TENM2: variants seen among roughly 807,000 people sequenced by gnomAD.
TENM2 encodes the protein teneurin transmembrane protein 2, also known as teneurin-2.
TENM2 carries 52 observed loss-of-function variants against 245.2 expected under a neutral mutation model. That is an observed-to-expected ratio of 0.21 (90% CI 0.17 to 0.27). TENM2 has a LOEUF of 0.27. TENM2 is among the 10% of genes least tolerant of loss of function. The pLI is 1.00. For missense variants in TENM2, 3,046 were observed against 3,666.8 expected, an observed-to-expected ratio of 0.83 and a Z score of 4.37; for synonymous variants, 1,363 against 1,438.9, an observed-to-expected ratio of 0.95 and a Z score of 1.19.
intron 6 of TENM2, among the ~76,000 whole-genome samples, chr5:168,053,655 G>A (rs1188029355): frequency 2.0e-5 from 3 of 152,198 alleles, no homozygotes; most frequent in African/African-American, 7.2e-5. Context: ...TAGAGATAAT[G>A]TGAATTATAG....
chr5:167,714,815 A>G (rs927457874), intron 2 of TENM2, among the ~76,000 whole-genome samples: 1 of 152,168 alleles, frequency 6.6e-6, no homozygotes, highest in African/African-American at 2.4e-5. Flanking sequence ...CACTGGGGCT[A>G]TCTCGACAGC....
At chr5:167,481,385 A>G (rs762113194) in intron 2 of TENM2, among the ~76,000 whole-genome samples, 5 of 152,220 alleles carry the variant, frequency 3.3e-5, no homozygotes, top group African/African-American at 7.2e-5. Context: ...CAAAACTGGA[A>G]TAATATTTTG....
At chr5:167,267,475 G>A in the TENM2 span, among the ~76,000 whole-genome samples, 3 of 152,100 alleles carry the variant, frequency 2.0e-5, no homozygotes, top group Non-Finnish European at 4.4e-5. Context: ...TAGCATGAGG[G>A]ATGTTAATAA....
At chr5:167,857,265 C>T (rs542597925) in intron 2 of TENM2, among the ~76,000 whole-genome samples, 4 of 152,314 alleles carry the variant, frequency 2.6e-5, no homozygotes, top group South Asian at 4.1e-4. Flanking sequence ...GCTTGAATTT[C>T]GCTCTTTTTC....
At chr5:168,166,904 C>A (rs947135353) in intron 13 of TENM2, among the ~76,000 whole-genome samples, 5 of 152,204 alleles carry the variant, frequency 3.3e-5, no homozygotes, top group South Asian at 2.1e-4. Context: ...CTTCTCACCC[C>A]CTTGGCTTTC....
At chr5:167,392,648 T>A (rs947419398) in intron 2 of TENM2, among the ~76,000 whole-genome samples, 1 of 152,180 alleles carries the variant, frequency 6.6e-6, no homozygotes, top group African/African-American at 2.4e-5. Flanking sequence ...TCCAAAATCA[T>A]GTGAGGCCAT....
chr5:167,361,861 A>G (rs905733446), intron 1 of TENM2, among the ~76,000 whole-genome samples: 2 of 152,216 alleles, frequency 1.3e-5, no homozygotes, highest in African/African-American at 4.8e-5. Flanking sequence ...AGGGAATGAT[A>G]TATTTTAGTG....
intron 2 of TENM2, among the ~76,000 whole-genome samples, chr5:167,528,014 A>G (rs1359613184): frequency 6.6e-6 from 1 of 152,182 alleles, no homozygotes; most frequent in Non-Finnish European, 1.5e-5. Flanking sequence ...AATTCTTTTT[A>G]ATAAGGCCTT....
At chr5:167,262,984 G>A in the TENM2 span, among the ~76,000 whole-genome samples, 41 of 152,244 alleles carry the variant, frequency 2.7e-4, no homozygotes, top group African/African-American at 9.9e-4. Flanking sequence ...CATGGTTGAA[G>A]GGGCAAGCAG....
chr5:167,580,935 G>A (rs1775048407), intron 2 of TENM2, among the ~76,000 whole-genome samples: 1 of 152,204 alleles, frequency 6.6e-6, no homozygotes, highest in Non-Finnish European at 1.5e-5. Flanking sequence ...GTTGTAGTGA[G>A]CGGAGATCGT....
intron 2 of TENM2, among the ~76,000 whole-genome samples, chr5:167,821,633 A>G (rs966361986): frequency 5.3e-5 from 8 of 152,112 alleles, no homozygotes; most frequent in African/African-American, 1.9e-4. Flanking sequence ...TTGGCTACAG[A>G]TTTGTTGTTT....
intron 2 of TENM2, among the ~76,000 whole-genome samples, chr5:167,742,924 T>A (rs377214509): frequency 6.6e-6 from 1 of 152,094 alleles, no homozygotes; most frequent in South Asian, 2.1e-4. Flanking sequence ...GCTATGATCA[T>A]GCCACTGCAT....
chr5:167,371,377 C>T (rs1349368222), intron 1 of TENM2, among the ~76,000 whole-genome samples: 8 of 105,028 alleles, frequency 7.6e-5, no homozygotes, highest in East Asian at 2.8e-4. Flanking sequence ...TTTTTTGAAA[C>T]GGAGTTTCGC....
At chr5:168,019,587 C>G (rs1785961963) in intron 5 of TENM2, among the ~76,000 whole-genome samples, 4 of 152,196 alleles carry the variant, frequency 2.6e-5, no homozygotes, top group Admixed American at 2.6e-4. Context: ...CGATACTGGA[C>G]AGAGTAACCT....
At chr5:167,614,846 C>T (rs977253670) in intron 2 of TENM2, among the ~76,000 whole-genome samples, 2 of 152,068 alleles carry the variant, frequency 1.3e-5, no homozygotes, top group African/African-American at 2.4e-5. Context: ...ACATCAATCC[C>T]GCATCCCCTT....
the TENM2 span, among the ~76,000 whole-genome samples, chr5:167,099,974 T>C: frequency 2.6e-5 from 4 of 152,286 alleles, no homozygotes; most frequent in African/African-American, 9.6e-5. Context: ...TGAGGTTTCC[T>C]TGGTACTTCT....
In TENM2 at chr5:167,534,366, A is replaced by G. The variant is rs140096025; in HGVS notation, c.502+158893A>G. Among the ~76,000 whole-genome samples, 7 of 152,312 alleles carry G rather than the reference A, an allele frequency of 4.6e-5. No homozygotes were observed. The East Asian group carries it at 1.4e-3, about 29-fold the overall frequency. ...GTGAAAACCACTTTAATGGACTGCA[A>G]AAACATAAGACTCCAAAAGAAGGCT... is the stretch of plus-strand genomic sequence containing the variant. On this transcript the variant is annotated intron_variant, in intron 2 of 28. Transcript: ENST00000518659.
intron 4 of TENM2, among the ~76,000 whole-genome samples, chr5:167,975,685 T>C (rs1277764777): frequency 6.6e-6 from 1 of 152,134 alleles, no homozygotes; most frequent in African/African-American, 2.4e-5. Context: ...AAGAAAATAT[T>C]GTACCTATGG....
chr5:167,947,143 C>T (rs1046628972), intron 3 of TENM2, among the ~76,000 whole-genome samples: 5 of 152,134 alleles, frequency 3.3e-5, no homozygotes, highest in Non-Finnish European at 7.3e-5. Flanking sequence ...CATTGAATAT[C>T]CCCCTCCAAG....
Sources: allele counts gnomAD v4.1 joint callset (sites outside exome capture counted in the v4.1 genomes callset), GRCh38; gene constraint gnomAD v4.1.1; transcripts MANE v1.5; gene names NCBI Gene and HGNC (gene_info 2026-07-23, HGNC 2026-07-21).